Variants in EEF1G observed in about 807,000 individuals in gnomAD.
EEF1G encodes elongation factor 1-gamma.
A neutral mutation model predicts 58.3 loss-of-function variants in EEF1G; 14 were observed. The observed-to-expected ratio is 0.24, with a 90% confidence interval of 0.16 to 0.38. The LOEUF (loss-of-function observed/expected upper bound fraction) is 0.38, where lower values mean the gene tolerates loss of function less well. Among genes scored for constraint, EEF1G ranks in the 10% least tolerant of loss-of-function variants. The pLI is 1.00. For synonymous variants in EEF1G, 180 were observed against 206.8 expected (o/e 0.87, Z 1.11); for missense variants, 322 against 550.1 (o/e 0.59, Z 4.15).
intron 7 of EEF1G, among the ~76,000 whole-genome samples, chr11:62,562,919 T>C (rs1378013773): frequency 2.0e-5 from 3 of 152,130 alleles, no homozygotes; most frequent in South Asian, 2.1e-4. Context: ...CTGGGAAATA[T>C]AGCGAGACAC....
At chr11:62,560,240 G>A (rs764835677) in intron 8 of EEF1G, 42 bp downstream of exon 8, 52 of 1,613,968 alleles carry the variant, frequency 3.2e-5, no homozygotes, top group Non-Finnish European at 4.4e-5. Context: ...CACAGCACTT[G>A]CTACACCTTG....
intron 7 of EEF1G, among the ~76,000 whole-genome samples, chr11:62,565,558 A>T (rs1941546348): frequency 6.6e-6 from 1 of 152,178 alleles, no homozygotes; most frequent in Admixed American, 6.5e-5. Context: ...CAGAGTACTG[A>T]CCTACTATAT....
At chr11:62,571,498 G>A (rs1325776988) in intron 4 of EEF1G, 42 bp downstream of exon 4, 1 of 1,563,160 alleles carries the variant, frequency 6.4e-7, no homozygotes, top group Non-Finnish European at 8.7e-7. Context: ...AGGAGCTGAT[G>A]CCACCCCTGC....
At chr11:62,570,427 C>G (rs764034755) in intron 5 of EEF1G, among the ~76,000 whole-genome samples, 1 of 152,164 alleles carries the variant, frequency 6.6e-6, no homozygotes, top group Non-Finnish European at 1.5e-5. Context: ...CTAAGAATAA[C>G]CAATCTTCCC....
chr11:62,565,425 T>C (rs1941545231), intron 7 of EEF1G, among the ~76,000 whole-genome samples: 1 of 151,640 alleles, frequency 6.6e-6, no homozygotes, highest in Non-Finnish European at 1.5e-5. Flanking sequence ...CTGGCAGCCC[T>C]GTAGGGCATC....
chr11:62,561,382 G>A (rs11231145), intron 7 of EEF1G, among the ~76,000 whole-genome samples: 38,747 of 148,644 alleles, frequency 0.26, 5,928 homozygotes, highest in Non-Finnish European at 0.36. Flanking sequence ...CCTGTCTGGG[G>A]GGAAAAAAAA....
chr11:62,561,659 TCAAAAAAAAAA>T (rs1327294393), intron 7 of EEF1G, among the ~76,000 whole-genome samples: 14 of 101,898 alleles, frequency 1.4e-4, no homozygotes, highest in African/African-American at 3.3e-4. Context: ...AGACTCCGTC[TCAAAAAAAAAA>T]CAAAAAAAAA....
intron 7 of EEF1G, among the ~76,000 whole-genome samples, chr11:62,564,191 G>A (rs1300306015): frequency 1.3e-5 from 2 of 152,218 alleles, no homozygotes; most frequent in African/African-American, 2.4e-5. Flanking sequence ...AGCCAGGGGC[G>A]GTGGCTCACG....
intron 7 of EEF1G, among the ~76,000 whole-genome samples, chr11:62,566,522 C>T (rs1941557686): frequency 6.6e-6 from 1 of 152,200 alleles, no homozygotes; most frequent in African/African-American, 2.4e-5. Flanking sequence ...AATGAGCTTG[C>T]TCAAAACCAA....
intron 2 of EEF1G, among the ~76,000 whole-genome samples, chr11:62,572,184 C>T (rs1398852917): frequency 3.3e-5 from 5 of 152,068 alleles, no homozygotes; most frequent in Non-Finnish European, 7.3e-5. Context: ...ACTCCTGTAT[C>T]AATGTCTGTA....
chr11:62,563,269 G>A (rs894390293), intron 7 of EEF1G, among the ~76,000 whole-genome samples: 1 of 152,096 alleles, frequency 6.6e-6, no homozygotes, highest in Non-Finnish European at 1.5e-5. Flanking sequence ...TGGGACTACA[G>A]GCGCCTGCTA....
At chr11:62,568,089 G>C (rs929810542) in intron 5 of EEF1G, among the ~76,000 whole-genome samples, 1 of 151,716 alleles carries the variant, frequency 6.6e-6, no homozygotes, top group African/African-American at 2.4e-5. Context: ...TTAGCTGGGC[G>C]TGATGGCGGG....
intron 2 of EEF1G, among the ~76,000 whole-genome samples, chr11:62,572,378 C>T (rs1436207668): frequency 6.6e-6 from 1 of 152,156 alleles, no homozygotes; most frequent in African/African-American, 2.4e-5. Context: ...AAAGTAAACT[C>T]GTGAATTTTA....
chr11:62,560,498 T>C lies in EEF1G; in HGVS notation c.858-44A>G, dbSNP rs577680369. 124 of 1,589,598 alleles carry C rather than the reference T, an allele frequency of 7.8e-5. 1 individual carries two copies. In the Middle Eastern group the frequency reaches 1.2e-3, roughly 15 times the overall value. The stretch of plus-strand genomic sequence containing the variant: ...AGGGGTCAATCAATAAGGAGGAAGG[T>C]TGCCAGGCTAAGAGAAGTGAAGGGT... On this transcript the variant is annotated intron_variant, in intron 7 of 9. Coordinates refer to ENST00000329251, the MANE Select transcript of EEF1G (RefSeq NM_001404.5).
intron 9 of EEF1G, 34 bp downstream of exon 9, chr11:62,560,035 C>A: frequency 6.2e-7 from 1 of 1,613,778 alleles, no homozygotes. Context: ...CCCTGCCCCA[C>A]CCTAAAGAGA....
intron 7 of EEF1G, 38 bp from the exon 8 acceptor site, chr11:62,560,492 G>A: frequency 6.3e-7 from 1 of 1,595,424 alleles, no homozygotes; most frequent in South Asian, 1.1e-5. Flanking sequence ...TCAATAAGGA[G>A]GAAGGTTGCC....
chr11:62,565,016 T>C (rs754140394), intron 7 of EEF1G, among the ~76,000 whole-genome samples: 23 of 151,710 alleles, frequency 1.5e-4, no homozygotes, highest in Admixed American at 1.1e-3. Flanking sequence ...GAGGTTGCAG[T>C]GAGCTGAGAT....
chr11:62,571,439 T>C, intron 4 of EEF1G, 101 bp downstream of exon 4: 1 of 1,460,286 alleles, frequency 6.8e-7, no homozygotes, highest in Non-Finnish European at 9.1e-7. Context: ...TGCCTACATA[T>C]CCTTGGCATC....
intron 7 of EEF1G, among the ~76,000 whole-genome samples, chr11:62,561,693 A>C (rs1291593086): frequency 1.3e-5 from 2 of 151,414 alleles, no homozygotes; most frequent in Admixed American, 6.6e-5. Flanking sequence ...AAAAAAAAAA[A>C]AAACAACCAA....
Sources: gnomAD v4.1 joint callset for allele counts (sites outside exome capture counted in the v4.1 genomes callset) on GRCh38, gnomAD v4.1.1 for gene constraint, MANE v1.5 for transcripts, NCBI Gene and HGNC (gene_info 2026-07-23, HGNC 2026-07-21) for gene names.